The following PDE9A variants were observed in gnomAD, a reference collection of about 807,000 sequenced individuals.
PDE9A encodes the protein high affinity cGMP-specific 3',5'-cyclic phosphodiesterase 9A.
Under a neutral mutation model 87.4 loss-of-function variants are expected in PDE9A, and 60 were observed. That is an observed-to-expected ratio of 0.69 (90% CI 0.56 to 0.85). PDE9A has a LOEUF of 0.85. Among genes scored for constraint, PDE9A ranks in the 40% least tolerant of loss-of-function variants. The probability of loss-of-function intolerance (pLI) is 0.00; values close to 1 mark genes in which losing one functional copy is unlikely to be tolerated. For synonymous variants in PDE9A, 272 were observed against 279.4 expected, an observed-to-expected ratio of 0.97 and a Z score of 0.27; for missense variants, 665 against 779.0, an observed-to-expected ratio of 0.85 and a Z score of 1.74.
intron 4 of PDE9A, among the ~76,000 whole-genome samples, chr21:42,730,690 T>C (rs2300960): frequency 0.12 from 18,807 of 152,236 alleles, 1,398 homozygotes; most frequent in East Asian, 0.33. Context: ...AAATATTATT[T>C]CTAATAGCAA....
chr21:42,759,818 T>C lies in PDE9A; in HGVS notation c.898-510T>C, dbSNP rs2055500524. ...GTGAGGGTGGATGTGTGCATGTGTG[T>C]GTGTGGATGTGGGGTGTGTGAGTGT... On this transcript the variant is annotated intron_variant, in intron 11 of 19. Transcript: ENST00000291539. This position sits in a 1 kb window ranked among gnomAD's most constrained non-coding sequence, Gnocchi z 7.2. Among the ~76,000 whole-genome samples, 1 of 149,130 alleles carries C rather than the reference T, an allele frequency of 6.7e-6. No homozygotes were observed. The highest frequency in any genetic ancestry group is 6.7e-5 in the Admixed American group (1 of 14,926).
rs773556425 is a variant in PDE9A, at chr21:42,759,029, G to A, written c.841G>A (p.Asp281Asn). Reference sequence around the variant, plus strand: ...GAGCTGCCTGGAGCACATGTACCACGACCTCGGGCTGGTCAGGGACTTCAG... The same window carrying A: ...GAGCTGCCTGGAGCACATGTACCACAACCTCGGGCTGGTCAGGGACTTCAG... ...MLSCLEHMYH[D>N]LGLVRDFSIN... is the part of the protein sequence containing the mutation. The change falls in exon 11 of 20, where the codon GAC becomes AAC. Residue 281 changes from aspartate (D) to asparagine (N), a missense_variant. Coordinates refer to ENST00000291539, the MANE Select transcript of PDE9A (RefSeq NM_002606.3). This position sits in a 1 kb window ranked among gnomAD's most constrained non-coding sequence, Gnocchi z 7.2. 5.0e-6 allele frequency: 8 copies of A among 1,613,926 alleles called. No homozygotes were observed. Among genetic ancestry groups the A allele is most frequent in the African/African-American group, 1.3e-5 (1 of 74,914 alleles).
chr21:42,760,498 G>A lies in PDE9A; in HGVS notation c.1002+66G>A. ...GGGTCAGACGGAGGCCCCCTTCCAG[G>A]GAGCGGCAGCCCCATCCCACCAAGA... is the stretch of plus-strand genomic sequence containing the variant. On this transcript the variant is annotated intron_variant, in intron 12 of 19. Transcript: ENST00000291539. The surrounding 1 kb of genome is among the most constrained non-coding windows in gnomAD (Gnocchi z 5.2). 9.9e-7 allele frequency: 1 copy of A among 1,012,886 alleles called. No homozygotes were observed. The highest frequency in any genetic ancestry group is 1.5e-6 in the Non-Finnish European group (1 of 666,518). 62.7% of individuals were successfully genotyped at this position (1,012,886 alleles called of 1,614,324 possible). A position where few individuals can be genotyped will look rare whatever the true frequency, so the allele number is the denominator to read the frequency against.
intron 19 of PDE9A, among the ~76,000 whole-genome samples, chr21:42,774,496 T>C (rs929836295): frequency 7.2e-5 from 11 of 152,212 alleles, no homozygotes; most frequent in Admixed American, 7.2e-4. Context: ...AGTCAGTTCA[T>C]ATTTTTCAGT....
chr21:42,673,946 C>T (rs906098621), intron 1 of PDE9A, among the ~76,000 whole-genome samples: 10 of 152,342 alleles, frequency 6.6e-5, no homozygotes, highest in South Asian at 2.1e-4. Context: ...AAAGAGAATG[C>T]GTCGTCCTTG....
intron 18 of PDE9A, 116 bp from the exon 19 acceptor site, chr21:42,772,323 G>A (rs551681429): frequency 5.1e-4 from 345 of 671,086 alleles, no homozygotes; most frequent in Non-Finnish European, 7.3e-4. Flanking sequence ...AGGGGCTGGG[G>A]ACCACAGGCT....
At chr21:42,736,048 A>G (rs1356176533) in intron 7 of PDE9A, among the ~76,000 whole-genome samples, 2 of 152,028 alleles carry the variant, frequency 1.3e-5, no homozygotes, top group Non-Finnish European at 2.9e-5. Context: ...GCGAGTGTGC[A>G]GATGCCCGCG....
chr21:42,658,483 A>G (rs543871299), intron 1 of PDE9A, among the ~76,000 whole-genome samples: 15 of 152,230 alleles, frequency 9.9e-5, no homozygotes, highest in African/African-American at 3.6e-4. Flanking sequence ...CTTAAGCCCT[A>G]CCCGGCTCCT....
chr21:42,750,232 A>T (rs1336144863), intron 8 of PDE9A, among the ~76,000 whole-genome samples: 3 of 152,234 alleles, frequency 2.0e-5, no homozygotes, highest in Non-Finnish European at 2.9e-5. Context: ...AGGCTGAGGC[A>T]GAAGGATCGT....
intron 17 of PDE9A, among the ~76,000 whole-genome samples, chr21:42,769,402 C>T (rs1433793130): frequency 3.5e-5 from 4 of 113,018 alleles, no homozygotes; most frequent in African/African-American, 1.7e-4. Context: ...CAAATGCACA[C>T]ACACGGCACA....
At chr21:42,677,657 T>C (rs78761812) in intron 1 of PDE9A, among the ~76,000 whole-genome samples, 2 of 150,412 alleles carry the variant, frequency 1.3e-5, no homozygotes, top group African/African-American at 5.0e-5. Flanking sequence ...TTTTTTTTTT[T>C]CTTGAGATGG....
chr21:42,670,236 C>T (rs1197542789), intron 1 of PDE9A, among the ~76,000 whole-genome samples: 1 of 135,428 alleles, frequency 7.4e-6, no homozygotes, highest in South Asian at 2.2e-4. Flanking sequence ...CACTTACATT[C>T]ACACTCATAC....
chr21:42,768,412 C>T (rs1176324136), intron 16 of PDE9A, 120 bp downstream of exon 16: 2 of 1,032,228 alleles, frequency 1.9e-6, no homozygotes, highest in Non-Finnish European at 1.4e-6. Context: ...GCCGACAGTT[C>T]AGCCTCCAGA....
intron 4 of PDE9A, among the ~76,000 whole-genome samples, chr21:42,728,879 T>TA (rs1302511745): frequency 2.0e-5 from 3 of 151,212 alleles, no homozygotes; most frequent in Non-Finnish European, 4.4e-5. Context: ...CGGGCACCTA[T>TA]AATCCCAGCT....
At chr21:42,740,310 G>A (rs1177666594) in intron 7 of PDE9A, among the ~76,000 whole-genome samples, 5 of 151,874 alleles carry the variant, frequency 3.3e-5, no homozygotes, top group South Asian at 4.2e-4. Flanking sequence ...CAGGTGTGGC[G>A]GTGCACCCCT....
At chr21:42,669,070 G>A (rs1268273340) in intron 1 of PDE9A, among the ~76,000 whole-genome samples, 1 of 152,082 alleles carries the variant, frequency 6.6e-6, no homozygotes, top group Non-Finnish European at 1.5e-5. Context: ...CCCATTGCTT[G>A]CGAAAAAGAT....
chr21:42,742,708 G>T (rs540622476), intron 7 of PDE9A, among the ~76,000 whole-genome samples: 2 of 152,046 alleles, frequency 1.3e-5, no homozygotes, highest in South Asian at 4.2e-4. Context: ...CTCGTGATCT[G>T]CCCACCTCAG....
At chr21:42,771,877 A>G (rs572031437) in intron 18 of PDE9A, among the ~76,000 whole-genome samples, 21 of 152,366 alleles carry the variant, frequency 1.4e-4, no homozygotes, top group African/African-American at 4.8e-4. Flanking sequence ...GGAAAGTCAC[A>G]GAAAGGTCTC....
chr21:42,700,909 T>C (rs1290961051), intron 4 of PDE9A: 2 of 152,230 alleles, frequency 1.3e-5, no homozygotes, highest in African/African-American at 4.8e-5. Context: ...CTCTAAGTTA[T>C]CTCTGGTTTC....
Sources: allele counts gnomAD v4.1 joint callset (sites outside exome capture counted in the v4.1 genomes callset), GRCh38; gene constraint gnomAD v4.1.1; non-coding constraint Gnocchi (gnomAD v3.1); transcripts MANE v1.5; gene names NCBI Gene and HGNC (gene_info 2026-07-23, HGNC 2026-07-21).